GRIP1: variants seen among roughly 807,000 people sequenced by gnomAD.
The protein encoded by GRIP1 is glutamate receptor interacting protein 1.
A neutral mutation model predicts 129.9 loss-of-function variants in GRIP1; 45 were observed. The ratio of observed to expected loss-of-function variants is 0.35; its 90% CI spans 0.27 to 0.44. GRIP1 has a LOEUF of 0.44. GRIP1 is among the 20% of genes least tolerant of loss of function. The pLI, the probability that GRIP1 is intolerant of heterozygous loss-of-function variation, is 1.00. For missense variants in GRIP1, 1,196 were observed against 1,396.8 expected (o/e 0.86, Z 2.29); for synonymous variants, 530 against 520.8 (o/e 1.02, Z -0.24).
chr12:66,684,326 T>C (rs1360840538), intron 1 of GRIP1, among the ~76,000 whole-genome samples: 2 of 152,168 alleles, frequency 1.3e-5, no homozygotes, highest in Non-Finnish European at 2.9e-5. Flanking sequence ...TTTTCTGTCA[T>C]TACAATGGCA....
intron 1 of GRIP1, among the ~76,000 whole-genome samples, chr12:66,649,256 T>C (rs12423740): frequency 0.011 from 1,701 of 152,312 alleles, 109 homozygotes; most frequent in Admixed American, 0.1. Context: ...TCAGGGTGCA[T>C]GCATCTACCA....
intron 1 of GRIP1, among the ~76,000 whole-genome samples, chr12:66,906,711 G>T (rs1317696461): frequency 1.3e-5 from 2 of 152,082 alleles, no homozygotes; most frequent in Admixed American, 6.5e-5. Flanking sequence ...AGCAAGCAAG[G>T]GTAAATTACT....
intron 1 of GRIP1, among the ~76,000 whole-genome samples, chr12:66,896,489 A>AAAAAAAAAAAAAAAAAAAAAAAC (rs1566068929): frequency 6.7e-6 from 1 of 149,594 alleles, no homozygotes; most frequent in Non-Finnish European, 1.5e-5. Flanking sequence ...TGAAAAAAAA[A>AAAAAAAAAAAAAAAAAAAAAAAC]AAAAAAACTT....
intron 5 of GRIP1, among the ~76,000 whole-genome samples, chr12:66,526,068 G>A (rs923397041): frequency 4.6e-5 from 7 of 152,124 alleles, no homozygotes; most frequent in South Asian, 2.1e-4. Flanking sequence ...CATACTCATC[G>A]ATAGGAAGAA....
rs184833348 is a variant in GRIP1 at position 66,801,193 on chromosome 12, T to C, written c.-420+2860A>G. 2.0e-5 allele frequency among the ~76,000 whole-genome samples: 3 copies of C among 152,234 alleles called. No individual in the cohort carries two copies. The East Asian group carries it at 5.8e-4, about 29-fold the overall frequency. ...CACCTTGTATCACATTTTAAAAGAC[T>C]AAAACCCAGAAATGTTTGGTGACTT... On this transcript the variant is annotated intron_variant, in intron 1 of 4. Transcript: ENST00000538373.
At chr12:66,992,950 C>CA (rs1425801342) in intron 1 of GRIP1, among the ~76,000 whole-genome samples, 2 of 151,728 alleles carry the variant, frequency 1.3e-5, no homozygotes, top group African/African-American at 4.8e-5. Context: ...CTGTGTATTC[C>CA]AAAAATACAA....
At chr12:67,010,871 T>C (rs2042696553) in intron 1 of GRIP1, among the ~76,000 whole-genome samples, 1 of 152,118 alleles carries the variant, frequency 6.6e-6, no homozygotes. Context: ...CTCCTTTGAC[T>C]GCTCCTTCTC....
chr12:66,663,324 GTAC>G (rs1003287225), intron 1 of GRIP1, among the ~76,000 whole-genome samples: 1 of 152,228 alleles, frequency 6.6e-6, no homozygotes, highest in African/African-American at 2.4e-5. Context: ...TGGGGGGAAG[GTAC>G]ATTGTGTAGA....
chr12:66,732,452 C>T (rs565500810), intron 1 of GRIP1, among the ~76,000 whole-genome samples: 16 of 151,748 alleles, frequency 1.1e-4, no homozygotes, highest in East Asian at 9.7e-4. Context: ...ACTTGGGAGG[C>T]GGAGGTGGGA....
At chr12:66,690,793 C>T (rs1179710256) in intron 1 of GRIP1, among the ~76,000 whole-genome samples, 1 of 150,680 alleles carries the variant, frequency 6.6e-6, no homozygotes, top group Non-Finnish European at 1.5e-5. Context: ...ATTAACCAGG[C>T]ATTGTGGTGT....
At chr12:66,785,413 GAC>G (rs1164315371) in intron 1 of GRIP1, among the ~76,000 whole-genome samples, 12 of 146,862 alleles carry the variant, frequency 8.2e-5, no homozygotes, top group African/African-American at 3.0e-4. Context: ...TCACGAGGCT[GAC>G]ACAGGGGGAT....
intron 5 of GRIP1, among the ~76,000 whole-genome samples, chr12:66,525,657 C>G (rs1414965501): frequency 1.3e-5 from 2 of 151,800 alleles, no homozygotes; most frequent in African/African-American, 2.4e-5. Flanking sequence ...TCCTATTAAA[C>G]GTAGTGTTGG....
intron 11 of GRIP1, among the ~76,000 whole-genome samples, chr12:66,453,483 C>A (rs1013273940): frequency 2.0e-5 from 3 of 152,112 alleles, no homozygotes; most frequent in Non-Finnish European, 4.4e-5. Context: ...CGTATTATGC[C>A]AAAATGTACC....
chr12:66,371,747 T>C lies in GRIP1; in HGVS notation c.2959A>G (p.Met987Val), dbSNP rs200126342. Residue 987 changes from methionine (M) to valine (V), a missense_variant, in exon 23 of 25, where the codon ATG becomes GTG. By Grantham distance (21) the Met-to-Val change is conservative. This residue lies in a region of GRIP1 where 427 missense variants were observed against 463.3 expected (regional missense o/e 0.92). Transcript: ENST00000359742. ...ATGATCTCCTTTATTTCTTGTTTCA[T>C]TTTTCTCAGGGTTACTGACTTCCTA... ...VGRKSVTLRK[M>V]KQEIKEIMSP... 6.2e-7 allele frequency: 1 copy of C among 1,613,722 alleles called. No homozygotes were observed. Among genetic ancestry groups the C allele is most frequent in the Non-Finnish European group, 8.5e-7 (1 of 1,179,706 alleles).
chr12:66,999,114 C>T (rs7303166), intron 1 of GRIP1, among the ~76,000 whole-genome samples: 62,019 of 151,890 alleles, frequency 0.41, 13,520 homozygotes, highest in Non-Finnish European at 0.47. Context: ...CAGGAAAAAA[C>T]AGTTCCAAGA....
intron 1 of GRIP1, among the ~76,000 whole-genome samples, chr12:66,837,723 A>G (rs2039640571): frequency 6.6e-6 from 1 of 152,232 alleles, no homozygotes; most frequent in Non-Finnish European, 1.5e-5. Flanking sequence ...GTAGGGAGGT[A>G]GTTAGAAGCC....
intron 1 of GRIP1, among the ~76,000 whole-genome samples, chr12:66,617,982 G>A (rs780050861): frequency 6.6e-6 from 1 of 151,894 alleles, no homozygotes; most frequent in Non-Finnish European, 1.5e-5. Context: ...CATTATACAT[G>A]CATATACCAT....
chr12:66,794,977 C>T (rs2038653648), intron 1 of GRIP1, among the ~76,000 whole-genome samples: 1 of 152,158 alleles, frequency 6.6e-6, no homozygotes, highest in South Asian at 2.1e-4. Flanking sequence ...AAATTTACAA[C>T]CAACTGCTGA....
At chr12:66,876,056 C>T (rs2040376912) in intron 1 of GRIP1, among the ~76,000 whole-genome samples, 1 of 151,944 alleles carries the variant, frequency 6.6e-6, no homozygotes, top group Admixed American at 6.6e-5. Context: ...AAGATTTCAA[C>T]TGTTAGGCAA....
Sources: gnomAD v4.1 joint callset for allele counts (sites outside exome capture counted in the v4.1 genomes callset) on GRCh38, gnomAD v4.1.1 for gene constraint, gnomAD v4.1.1 regional missense constraint, MANE v1.5 for transcripts, NCBI Gene and HGNC (gene_info 2026-07-23, HGNC 2026-07-21) for gene names.